Variants in COLEC11 observed in about 807,000 individuals in gnomAD.
The protein encoded by COLEC11 is collectin-11.
In COLEC11, 20 loss-of-function variants were observed where a neutral mutation model predicts 27.3. The ratio of observed to expected loss-of-function variants is 0.73; its 90% CI spans 0.51 to 1.06. COLEC11 has a LOEUF of 1.06. Among genes scored for constraint, COLEC11 ranks in the 50% least tolerant of loss-of-function variants. The probability of loss-of-function intolerance (pLI) is 0.00; values close to 1 mark genes in which losing one functional copy is unlikely to be tolerated. For synonymous variants in COLEC11, 163 were observed against 154.7 expected, an observed-to-expected ratio of 1.05 and a Z score of -0.40; for missense variants, 310 against 383.0, an observed-to-expected ratio of 0.81 and a Z score of 1.59.
chr2:3,625,870 A>C (rs956330250), intron 3 of COLEC11: 10 of 733,000 alleles, frequency 1.4e-5, no homozygotes, highest in African/African-American at 3.4e-5. Context: ...TGACCTCAAG[A>C]GATCCGCCTA....
intron 2 of COLEC11, among the ~76,000 whole-genome samples, chr2:3,606,600 T>C (rs11123637): frequency 0.61 from 92,920 of 152,106 alleles, 29,240 homozygotes; most frequent in South Asian, 0.81. Flanking sequence ...CCCCTGCTCC[T>C]TGCTCTGGGA....
intron 2 of COLEC11, among the ~76,000 whole-genome samples, chr2:3,608,486 A>C (rs529779943): frequency 1.3e-5 from 2 of 152,178 alleles, no homozygotes; most frequent in Non-Finnish European, 2.9e-5. Context: ...AGGGACATAC[A>C]TCTTTATGAC....
At chr2:3,617,576 T>G (rs1663860174) in intron 3 of COLEC11, 2 of 1,608,186 alleles carry the variant, frequency 1.2e-6, no homozygotes, top group Non-Finnish European at 1.7e-6. Flanking sequence ...CTTCTCCTGT[T>G]CAGTCGTTTC....
Position 3,618,439 on chromosome 2 carries a change from A to C in COLEC11, c.202+5057A>C, listed in dbSNP as rs527409887. On this transcript the variant is annotated intron_variant, in intron 3 of 6. Coordinates refer to ENST00000349077, the MANE Select transcript of COLEC11 (RefSeq NM_024027.5). ...ATTCAGTTTTCCCAATAGCATTGTG[A>C]ATTCTTTGTGCCTTTGTTGAAGGTT... Among the ~76,000 whole-genome samples the C allele has an allele frequency of 2.0e-5, 3 of 152,190 alleles. No homozygotes were observed. The South Asian group carries it at 6.2e-4, about 32-fold the overall frequency.
chr2:3,610,542 A>G (rs11123644), intron 2 of COLEC11, among the ~76,000 whole-genome samples: 105,207 of 152,042 alleles, frequency 0.69, 36,911 homozygotes, highest in South Asian at 0.89. Flanking sequence ...CACAATCACT[A>G]TTGGCCTGGA....
chr2:3,601,339 C>T (rs982200342), intron 1 of COLEC11, among the ~76,000 whole-genome samples: 10 of 152,176 alleles, frequency 6.6e-5, no homozygotes, highest in African/African-American at 2.4e-4. Context: ...CTCACTCTGA[C>T]TGCCCGGGTT....
chr2:3,613,119 G>T (rs1330010051), intron 2 of COLEC11, among the ~76,000 whole-genome samples, 192 bp from the exon 3 acceptor site: 1 of 145,392 alleles, frequency 6.9e-6, no homozygotes, highest in Non-Finnish European at 1.5e-5. Flanking sequence ...GAGACAAATA[G>T]CCCTAAAAGC....
At chr2:3,638,905 C>A (rs942116317) in intron 4 of COLEC11, among the ~76,000 whole-genome samples, 3 of 152,168 alleles carry the variant, frequency 2.0e-5, no homozygotes, top group Non-Finnish European at 4.4e-5. Context: ...CAGCCATTAC[C>A]ACTATTTCCA....
intron 1 of COLEC11, 129 bp from the exon 2 acceptor site, chr2:3,604,186 G>A (rs1410949120): frequency 1.7e-5 from 17 of 982,874 alleles, no homozygotes; most frequent in Admixed American, 5.5e-5. Flanking sequence ...AGGAGCACCC[G>A]CCATGGGGGC....
intron 3 of COLEC11, among the ~76,000 whole-genome samples, chr2:3,634,906 C>T (rs1279180986): frequency 7.3e-6 from 1 of 137,076 alleles, no homozygotes; most frequent in Non-Finnish European, 1.5e-5. Context: ...ACCCTGTCCT[C>T]ACTGGGTGCC....
chr2:3,607,183 G>C (rs1662785277), intron 2 of COLEC11, among the ~76,000 whole-genome samples: 1 of 152,106 alleles, frequency 6.6e-6, no homozygotes, highest in African/African-American at 2.4e-5. Context: ...CTGACTGCTG[G>C]TGGTGCTTGA....
chr2:3,616,203 C>T (rs140950174), intron 3 of COLEC11, among the ~76,000 whole-genome samples: 96,228 of 144,776 alleles, frequency 0.66, 32,453 homozygotes, highest in South Asian at 0.82. Flanking sequence ...AGACGATGGG[C>T]GGCCGGGCAG....
intron 2 of COLEC11, among the ~76,000 whole-genome samples, chr2:3,608,029 C>T (rs925822371): frequency 3.3e-5 from 5 of 152,154 alleles, no homozygotes; most frequent in East Asian, 1.9e-4. Flanking sequence ...AAGCAGGTGG[C>T]GTGACAGTCA....
At chr2:3,604,067 A>G (rs1662441954) in intron 1 of COLEC11, 3 of 590,302 alleles carry the variant, frequency 5.1e-6, no homozygotes, top group Non-Finnish European at 6.0e-6. Context: ...GTAGGCCTTC[A>G]ATCAAGGCTC....
chr2:3,609,785 C>T (rs1054653678), intron 2 of COLEC11, among the ~76,000 whole-genome samples: 1 of 152,172 alleles, frequency 6.6e-6, no homozygotes. Flanking sequence ...CCGCCTTGGG[C>T]TCCCAAAATG....
intron 3 of COLEC11, 151 bp from the exon 4 acceptor site, chr2:3,637,381 CT>C (rs1195890823): frequency 2.8e-6 from 2 of 711,912 alleles, no homozygotes; most frequent in Non-Finnish European, 5.2e-6. Flanking sequence ...CATACGTGAC[CT>C]TGAAGAGATG....
chr2:3,606,391 G>A, intron 2 of COLEC11: 2 of 723,744 alleles, frequency 2.8e-6, no homozygotes, highest in Non-Finnish European at 4.6e-6. Context: ...CATGGGTAGG[G>A]TCCCTTCTCA....
intron 2 of COLEC11, among the ~76,000 whole-genome samples, chr2:3,612,804 C>T (rs371095709): frequency 6.6e-6 from 1 of 152,130 alleles, no homozygotes; most frequent in Non-Finnish European, 1.5e-5. Context: ...AGGCAGCCCC[C>T]GTGGTGGAGG....
At chr2:3,615,264 T>A (rs1340727499) in intron 3 of COLEC11, among the ~76,000 whole-genome samples, 1 of 152,208 alleles carries the variant, frequency 6.6e-6, no homozygotes, top group East Asian at 1.9e-4. Flanking sequence ...GTCTCTGGTT[T>A]TCCTAGGCAG....
Sources: gnomAD v4.1 joint callset for allele counts (sites outside exome capture counted in the v4.1 genomes callset) on GRCh38, gnomAD v4.1.1 for gene constraint, MANE v1.5 for transcripts, NCBI Gene and HGNC (gene_info 2026-07-23, HGNC 2026-07-21) for gene names.